The following PLPP4 variants were observed in gnomAD, a reference collection of about 807,000 sequenced individuals.
PLPP4 encodes the protein diacylglycerol pyrophosphate like 2.
PLPP4 carries 20 observed loss-of-function variants against 32.2 expected under a neutral mutation model. That is an observed-to-expected ratio of 0.62 (90% CI 0.44 to 0.90). The LOEUF is 0.90. Ranked by LOEUF, PLPP4 falls within the 40% of genes least tolerant of loss-of-function variation. The probability of loss-of-function intolerance (pLI) is 0.00; values close to 1 mark genes in which losing one functional copy is unlikely to be tolerated. For synonymous variants in PLPP4, 127 were observed against 133.0 expected, an observed-to-expected ratio of 0.95 and a Z score of 0.31; for missense variants, 257 against 353.1, an observed-to-expected ratio of 0.73 and a Z score of 2.18.
At position 120,589,617 on chromosome 10, in the gene PLPP4, A is replaced by T; in HGVS notation, c.*115A>T. ...TTTTCATCAGTTGTTTCTCAAAGTC[A>T]TCGTACTTCTGCTTCTGTTTCACTG... On this transcript the variant is annotated 3_prime_UTR_variant, in exon 7 of 7. Coordinates refer to ENST00000398250, the MANE Select transcript of PLPP4 (RefSeq NM_001030059.3). 1.3e-6 allele frequency: 1 copy of T among 775,584 alleles called. No homozygotes were observed. The highest frequency in any genetic ancestry group is 2.0e-5 in the South Asian group (1 of 51,074). 48.0% of individuals were successfully genotyped at this position (775,584 alleles called of 1,614,324 possible). A position where few individuals can be genotyped will look rare whatever the true frequency, so the allele number is the denominator to read the frequency against.
intron 6 of PLPP4, among the ~76,000 whole-genome samples, chr10:120,577,817 T>G (rs1453053535): frequency 1.3e-5 from 2 of 152,210 alleles, no homozygotes; most frequent in Non-Finnish European, 2.9e-5. Context: ...ACAACTTCCC[T>G]TGGATGCTCT....
At chr10:120,560,212 A>G (rs1405092468) in intron 5 of PLPP4, among the ~76,000 whole-genome samples, 2 of 152,170 alleles carry the variant, frequency 1.3e-5, no homozygotes, top group Non-Finnish European at 2.9e-5. Flanking sequence ...GAAGTGGAGA[A>G]AAGTCATGAC....
intron 3 of PLPP4, 88 bp from the exon 4 acceptor site, chr10:120,518,745 G>A (rs974686103): frequency 1.3e-5 from 14 of 1,042,848 alleles, no homozygotes; most frequent in Non-Finnish European, 1.5e-5. Context: ...GTATTATAAT[G>A]TAACAGTGAT....
chr10:120,587,659 C>G (rs914158696), intron 6 of PLPP4, among the ~76,000 whole-genome samples: 2 of 152,132 alleles, frequency 1.3e-5, no homozygotes, highest in Admixed American at 1.3e-4. Flanking sequence ...CTAGATAGAA[C>G]CAGGATACCT....
intron 5 of PLPP4, among the ~76,000 whole-genome samples, chr10:120,538,030 CTCTCTCTCTCTCTCTCTCTCTCTG>C (rs1847126361): frequency 1.7e-5 from 1 of 58,608 alleles, no homozygotes; most frequent in African/African-American, 5.0e-5. Flanking sequence ...CTCTCTCTCT[CTCTCTCTCTCTCTCTCTCTCTCTG>C]TGTGTGTGTG....
chr10:120,590,967 C>T lies in PLPP4; in HGVS notation c.*1465C>T, dbSNP rs371185913. Among the ~76,000 whole-genome samples, 2 of 152,176 alleles carry T rather than the reference C, an allele frequency of 1.3e-5. No homozygotes were observed. The highest frequency in any genetic ancestry group is 1.9e-4 in the East Asian group (1 of 5,166). On this transcript the variant is annotated 3_prime_UTR_variant, in exon 7 of 7. Transcript: ENST00000398250. ...TATTTTTAGTAGACACGGGGTTTCA[C>T]CACGTTGGCCAGGCTGGTCTCGGAC...
At chr10:120,584,077 TCTATC>T (rs748177896) in intron 6 of PLPP4, among the ~76,000 whole-genome samples, 2 of 152,160 alleles carry the variant, frequency 1.3e-5, no homozygotes, top group Non-Finnish European at 2.9e-5. Context: ...AAAAGATGGG[TCTATC>T]TTCAGTTTCT....
intron 5 of PLPP4, among the ~76,000 whole-genome samples, chr10:120,525,162 G>T (rs934313372): frequency 6.6e-5 from 10 of 151,944 alleles, no homozygotes; most frequent in African/African-American, 2.4e-4. Flanking sequence ...ACTTTACAAT[G>T]GCCATGTTGA....
At chr10:120,486,071 C>A (rs766312169) in intron 1 of PLPP4, among the ~76,000 whole-genome samples, 2 of 152,110 alleles carry the variant, frequency 1.3e-5, no homozygotes, top group Non-Finnish European at 2.9e-5. Context: ...ATGGAGAAAC[C>A]GAGGTTTAGA....
chr10:120,536,717 CT>C (rs1464966221), intron 5 of PLPP4, among the ~76,000 whole-genome samples: 3 of 128,852 alleles, frequency 2.3e-5, no homozygotes, highest in Non-Finnish European at 5.0e-5. Context: ...TACAAAAAAA[CT>C]GATGTTTTTG....
At chr10:120,538,036 C>G (rs868024534) in intron 5 of PLPP4, among the ~76,000 whole-genome samples, 4,364 of 54,952 alleles carry the variant, frequency 0.079, 1,251 homozygotes, top group Non-Finnish European at 0.12. Flanking sequence ...CTCTCTCTCT[C>G]TCTCTCTCTC....
intron 1 of PLPP4, among the ~76,000 whole-genome samples, chr10:120,471,740 T>C (rs1005285097): frequency 2.6e-5 from 4 of 152,096 alleles, no homozygotes; most frequent in Non-Finnish European, 5.9e-5. Flanking sequence ...TTACAGTTAA[T>C]ACAATTATTA....
intron 5 of PLPP4, among the ~76,000 whole-genome samples, chr10:120,544,677 C>G (rs891171429): frequency 2.6e-5 from 4 of 152,228 alleles, no homozygotes; most frequent in African/African-American, 9.6e-5. Flanking sequence ...GCTCATCTCC[C>G]CATCTCTTTG....
intron 5 of PLPP4, among the ~76,000 whole-genome samples, chr10:120,572,734 T>C (rs577897331): frequency 6.6e-6 from 1 of 152,218 alleles, no homozygotes; most frequent in South Asian, 2.1e-4. Flanking sequence ...CTCTCCAGCC[T>C]CCTCTCCCAC....
At chr10:120,507,554 C>G (rs750025605) in intron 2 of PLPP4, among the ~76,000 whole-genome samples, 3 of 152,180 alleles carry the variant, frequency 2.0e-5, no homozygotes, top group Non-Finnish European at 4.4e-5. Context: ...ACAGCTTGTC[C>G]GAGATTATAC....
chr10:120,492,805 A>G (rs1290387479), intron 1 of PLPP4, among the ~76,000 whole-genome samples: 1 of 152,220 alleles, frequency 6.6e-6, no homozygotes, highest in East Asian at 1.9e-4. Context: ...AAAATTCCAA[A>G]TATTTAGAAA....
intron 1 of PLPP4, among the ~76,000 whole-genome samples, chr10:120,474,894 G>T (rs547160626): frequency 2.0e-5 from 3 of 152,126 alleles, no homozygotes; most frequent in Non-Finnish European, 2.9e-5. Flanking sequence ...TTTTGGATGA[G>T]AAATTCAAAG....
At chr10:120,508,430 A>T (rs1317046343) in intron 2 of PLPP4, among the ~76,000 whole-genome samples, 1 of 152,176 alleles carries the variant, frequency 6.6e-6, no homozygotes, top group Non-Finnish European at 1.5e-5. Flanking sequence ...GTCTGTTGTG[A>T]ATAAACCCCA....
chr10:120,576,427 T>A (rs1267367242), intron 6 of PLPP4, among the ~76,000 whole-genome samples: 1 of 152,192 alleles, frequency 6.6e-6, no homozygotes, highest in Non-Finnish European at 1.5e-5. Context: ...AATGAGGCAA[T>A]GGATGGGGAC....
Sources: allele counts gnomAD v4.1 joint callset (sites outside exome capture counted in the v4.1 genomes callset), GRCh38; gene constraint gnomAD v4.1.1; transcripts MANE v1.5; gene names NCBI Gene and HGNC (gene_info 2026-07-23, HGNC 2026-07-21).